MYH15: variants seen among roughly 807,000 people sequenced by gnomAD.
The protein encoded by MYH15 is myosin heavy chain 15.
Under a neutral mutation model 240.5 loss-of-function variants are expected in MYH15, and 227 were observed. The observed-to-expected ratio is 0.94, with a 90% CI of 0.85 to 1.05. MYH15 has a LOEUF of 1.05. MYH15 is among the 50% of genes least tolerant of loss of function. MYH15 has a pLI of 0.00. For synonymous variants in MYH15, 785 were observed against 796.7 expected (o/e 0.99, Z 0.25); for missense variants, 2,217 against 2,247.5 (o/e 0.99, Z 0.27).
At chr3:108,432,663 C>T (rs1253487284) in intron 25 of MYH15, among the ~76,000 whole-genome samples, 5 of 152,152 alleles carry the variant, frequency 3.3e-5, no homozygotes, top group African/African-American at 4.8e-5. Flanking sequence ...TGGTGCCCTG[C>T]GTCCCAGCTG....
At chr3:108,453,870 A>T in intron 21 of MYH15, 136 bp downstream of exon 21, 2 of 819,170 alleles carry the variant, frequency 2.4e-6, no homozygotes, top group Admixed American at 2.6e-5. Context: ...TTGTTATCTC[A>T]TGATTTAAAA....
intron 29 of MYH15, among the ~76,000 whole-genome samples, chr3:108,415,093 T>C (rs1457733704): frequency 6.6e-6 from 1 of 152,214 alleles, no homozygotes; most frequent in African/African-American, 2.4e-5. Flanking sequence ...TTACCTGTAG[T>C]GTAGTAGAGG....
upstream of MYH15, among the ~76,000 whole-genome samples, chr3:108,532,077 AAG>A (rs2083715033): frequency 6.6e-6 from 1 of 152,148 alleles, no homozygotes; most frequent in South Asian, 2.1e-4. Flanking sequence ...TTTCTCAAGA[AAG>A]AGAAAAAAGA....
At chr3:108,521,580 G>A (rs1246810321) in intron 1 of MYH15, among the ~76,000 whole-genome samples, 4 of 152,138 alleles carry the variant, frequency 2.6e-5, no homozygotes, top group Non-Finnish European at 4.4e-5. Flanking sequence ...GAGGGCAGAA[G>A]TAAACTAATA....
At chr3:108,425,805 G>C (rs955878845) in intron 27 of MYH15, among the ~76,000 whole-genome samples, 9 of 152,320 alleles carry the variant, frequency 5.9e-5, no homozygotes, top group African/African-American at 1.9e-4. Context: ...GCTGTAGAGA[G>C]AGAATTAATC....
the MYH15 span, chr3:108,550,765 T>C: frequency 6.6e-6 from 1 of 152,612 alleles, no homozygotes; most frequent in African/African-American, 2.4e-5. Flanking sequence ...TCTTTAGGAC[T>C]GTTATACCAA....
chr3:108,545,094 A>C, the MYH15 span, among the ~76,000 whole-genome samples: 1 of 152,172 alleles, frequency 6.6e-6, no homozygotes, highest in Admixed American at 6.5e-5. Context: ...CTACTATGAT[A>C]CCTAAGGCTA....
In MYH15 at chr3:108,384,799, T is replaced by G. The variant is rs960768922; in HGVS notation, c.5536-17A>C. The G allele has an allele frequency of 1.2e-6, 2 of 1,601,920 alleles. No individual in the cohort carries two copies. The highest frequency in any genetic ancestry group is 1.7e-6 in the Non-Finnish European group (2 of 1,169,488). On this transcript the variant is annotated splice_polypyrimidine_tract_variant and intron_variant, in intron 38 of 40. Coordinates refer to ENST00000693548, the MANE Select transcript of MYH15 (RefSeq NM_014981.3). Reference sequence around the variant, plus strand: ...TTCCTCTGCCTGCAATACATAGGCATGTATGGGAAGGTGATTCAGAGGATC... The same window carrying G: ...TTCCTCTGCCTGCAATACATAGGCAGGTATGGGAAGGTGATTCAGAGGATC...
chr3:108,450,143 A>G (rs533117345), intron 21 of MYH15, among the ~76,000 whole-genome samples: 11 of 152,234 alleles, frequency 7.2e-5, no homozygotes, highest in African/African-American at 2.6e-4. Flanking sequence ...GGAAAACAGT[A>G]TGAAGGCTCC....
chr3:108,439,791 C>T lies in MYH15; in HGVS notation c.3021G>A (p.Glu1007=). 6.2e-7 allele frequency: 1 copy of T among 1,612,838 alleles called. No homozygotes were observed. The highest frequency in any genetic ancestry group is 8.5e-7 in the Non-Finnish European group (1 of 1,179,528). ...QTLDDLHMEE[E]KLSSLSKANL... is the part of the protein sequence containing the mutation. ...TTGCTTTGCTCAGGCTGCTGAGCTT[C>T]TCCTCCTCCATGTGCAGGTCATCCA... The change falls in exon 24 of 41, where the codon GAG becomes GAA. Residue 1007 remains glutamate, a synonymous_variant. Coordinates refer to ENST00000693548, the MANE Select transcript of MYH15 (RefSeq NM_014981.3).
chr3:108,409,218 C>T (rs2082569737), intron 31 of MYH15, among the ~76,000 whole-genome samples: 1 of 152,152 alleles, frequency 6.6e-6, no homozygotes, highest in Admixed American at 6.5e-5. Context: ...TGGAAATTTT[C>T]ATTGCATAAT....
intron 27 of MYH15, among the ~76,000 whole-genome samples, chr3:108,423,404 A>G (rs1487285867): frequency 6.6e-6 from 1 of 152,238 alleles, no homozygotes; most frequent in African/African-American, 2.4e-5. Context: ...AACAGACTTA[A>G]CAGAGATTCA....
intron 26 of MYH15, 58 bp from the exon 27 acceptor site, chr3:108,428,939 A>AT (rs925303320): frequency 3.5e-4 from 497 of 1,431,160 alleles, no homozygotes; most frequent in South Asian, 4.5e-4. Context: ...GCTTTACTCT[A>AT]TTTTTTTTTA....
chr3:108,464,569 G>A (rs558526847), intron 15 of MYH15, 69 bp downstream of exon 15: 20 of 1,386,954 alleles, frequency 1.4e-5, no homozygotes, highest in Non-Finnish European at 2.0e-5. Context: ...TATCATCTAA[G>A]GACTTTGGCT....
intron 27 of MYH15, among the ~76,000 whole-genome samples, chr3:108,422,912 A>G (rs778061479): frequency 1.2e-4 from 18 of 152,210 alleles, no homozygotes; most frequent in Non-Finnish European, 2.4e-4. Context: ...GGCCATCTCT[A>G]GCTGGAACCT....
At chr3:108,549,192 T>A in the MYH15 span, among the ~76,000 whole-genome samples, 1 of 151,796 alleles carries the variant, frequency 6.6e-6, no homozygotes, top group African/African-American at 2.4e-5. Context: ...CATACACACA[T>A]ACAAAACCCT....
chr3:108,539,812 C>T, the MYH15 span, among the ~76,000 whole-genome samples: 3 of 152,094 alleles, frequency 2.0e-5, no homozygotes, highest in Non-Finnish European at 4.4e-5. Context: ...TGGCTGTACC[C>T]TTTTCTACCC....
At chr3:108,427,525 T>C (rs1259418801) in intron 27 of MYH15, among the ~76,000 whole-genome samples, 10 of 151,996 alleles carry the variant, frequency 6.6e-5, no homozygotes, top group Admixed American at 5.3e-4. Flanking sequence ...TCCAGAACTG[T>C]GAAAAATAAA....
chr3:108,396,786 C>T (rs2082464915), intron 35 of MYH15, among the ~76,000 whole-genome samples: 1 of 152,176 alleles, frequency 6.6e-6, no homozygotes, highest in Non-Finnish European at 1.5e-5. Context: ...GGGATTGTGT[C>T]ATACACATGG....
Sources: allele counts gnomAD v4.1 joint callset (sites outside exome capture counted in the v4.1 genomes callset), GRCh38; gene constraint gnomAD v4.1.1; transcripts MANE v1.5; gene names NCBI Gene and HGNC (gene_info 2026-07-23, HGNC 2026-07-21).